Variants in PTGES2 observed in about 807,000 individuals in gnomAD.
The protein encoded by PTGES2 is GATE-binding factor 1.
In PTGES2, 35 loss-of-function variants were observed where a neutral mutation model predicts 44.5. That is an observed-to-expected ratio of 0.79 (90% confidence interval 0.60 to 1.04). The LOEUF (loss-of-function observed/expected upper bound fraction) is 1.04, where lower values mean the gene tolerates loss of function less well. Among genes scored for constraint, PTGES2 ranks in the 50% least tolerant of loss-of-function variants. The pLI is 0.00. For missense variants in PTGES2, 517 were observed against 521.4 expected, an observed-to-expected ratio of 0.99 and a Z score of 0.08; for synonymous variants, 221 against 227.5, an observed-to-expected ratio of 0.97 and a Z score of 0.26.
chr9:128,121,032 A>C lies in PTGES2; in HGVS notation c.*113T>G. Reference sequence around the variant, plus strand: ...AGAGGGCTGGTGGGGGTGCGTGGACAAGGGGCAGAATGATCCTGCCCCCAA... The same window carrying C: ...AGAGGGCTGGTGGGGGTGCGTGGACCAGGGGCAGAATGATCCTGCCCCCAA... On this transcript the variant is annotated 3_prime_UTR_variant, in exon 7 of 7. Coordinates refer to ENST00000338961, the MANE Select transcript of PTGES2 (RefSeq NM_025072.7). 1.5e-6 allele frequency: 2 copies of C among 1,354,686 alleles called. No individual in the cohort carries two copies. Among genetic ancestry groups the C allele is most frequent in the Non-Finnish European group, 2.0e-6 (2 of 994,876 alleles). The allele number at this position is 1,354,686 out of a possible 1,614,324, so 83.9% of individuals were successfully genotyped here. A position where few individuals can be genotyped will look rare whatever the true frequency, so the allele number is the denominator to read the frequency against.
At chr9:128,122,903 C>T (rs777855890) in intron 5 of PTGES2, 31 bp downstream of exon 5, 46 of 1,609,300 alleles carry the variant, frequency 2.9e-5, no homozygotes, top group Middle Eastern at 1.6e-4. Flanking sequence ...GGCTCGGGGA[C>T]AGCAGGCCCC....
Position 128,123,024 on chromosome 9 carries a change from C to G in PTGES2, c.797G>C (p.Arg266Pro). 1 of 1,613,926 alleles carries G rather than the reference C, an allele frequency of 6.2e-7. No homozygotes were observed. Among genetic ancestry groups the G allele is most frequent in the Non-Finnish European group, 8.5e-7 (1 of 1,180,004 alleles). Reference sequence around the variant, plus strand: ...CTCCACGGCTCCGAACTTGCCCTCGCGGACAATGTAGTCAAAGGACGCCAG... The same window carrying G: ...CTCCACGGCTCCGAACTTGCCCTCGGGGACAATGTAGTCAAAGGACGCCAG... ...EALASFDYIV[R>P]EGKFGAVEGA... Residue 266 changes from arginine (R) to proline (P), a missense_variant, in exon 5 of 7, where the codon CGC becomes CCC. Arg to Pro is a moderately radical substitution (Grantham distance 103, BLOSUM62 -2). Transcript: ENST00000338961. This position sits in a 1 kb window ranked among gnomAD's most constrained non-coding sequence, Gnocchi z 4.4.
rs1834578724 is a variant in PTGES2, at chr9:128,125,375, C to G, written c.346G>C (p.Val116Leu). The G allele has an allele frequency of 6.2e-7, 1 of 1,614,178 alleles. No individual in the cohort carries two copies. Among genetic ancestry groups the G allele is most frequent in the African/African-American group, 1.3e-5 (1 of 75,042 alleles). ...QYKTCPFCSKVRAFLDFHALP... is the reference protein window; with the variant it reads ...QYKTCPFCSKLRAFLDFHALP... ...GCATGGAAGTCGAGGAAGGCTCGGA[C>G]CTTGCTGCAGAAGGGACACGTCTTG... Residue 116 changes from valine to leucine, a missense_variant, in exon 2 of 7, where the codon GTC becomes CTC. Coordinates refer to ENST00000338961, the MANE Select transcript of PTGES2 (RefSeq NM_025072.7).
At chr9:128,127,328 ACT>A (rs1205351109) in intron 1 of PTGES2, 109 bp downstream of exon 1, 76 of 993,148 alleles carry the variant, frequency 7.7e-5, no homozygotes, top group Non-Finnish European at 9.8e-5. Flanking sequence ...AGACCAAGTC[ACT>A]CGCCCAAGGT....
Position 128,123,558 on chromosome 9 carries a change from C to G in PTGES2, c.686+144G>C. 1.2e-6 allele frequency: 1 copy of G among 846,418 alleles called. No homozygotes were observed. The highest frequency in any genetic ancestry group is 1.8e-6 in the Non-Finnish European group (1 of 558,000). The allele number at this position is 846,418 out of a possible 1,614,324, so 52.4% of individuals were successfully genotyped here. On this transcript the variant is annotated intron_variant, in intron 4 of 6. Transcript: ENST00000338961. The surrounding 1 kb of genome is among the most constrained non-coding windows in gnomAD (Gnocchi z 4.4). ...ACCACGCCCGGCTGCAGGAAGGTCT[C>G]TACTGAAATCCGGCATGGCCCGGCC... is the stretch of plus-strand genomic sequence containing the variant.
Position 128,122,229 on chromosome 9 carries a change from C to T in PTGES2, c.1005+133G>A. 4 of 726,018 alleles carry T rather than the reference C, an allele frequency of 5.5e-6. No homozygotes were observed. The South Asian group carries it at 6.8e-5, about 12-fold the overall frequency. 45.0% of individuals were successfully genotyped at this position (726,018 alleles called of 1,614,324 possible). On this transcript the variant is annotated intron_variant, in intron 6 of 6. Transcript: ENST00000338961. ...CCTGGAGCCACTTCGAGGCGAGTTT[C>T]TGTCCGTGATGGCAGAGAGAGGCAG...
upstream of PTGES2, chr9:128,128,332 G>T (rs954760168): frequency 2.2e-6 from 1 of 456,294 alleles, no homozygotes; most frequent in Non-Finnish European, 4.4e-6. Flanking sequence ...CCAGGGAGAG[G>T]ATGGCAAAGT....
intron 3 of PTGES2, among the ~76,000 whole-genome samples, 199 bp from the exon 4 acceptor site, chr9:128,124,050 T>C (rs1371716965): frequency 4.6e-5 from 7 of 151,244 alleles, no homozygotes; most frequent in Admixed American, 1.3e-4. Flanking sequence ...GTAGGGGGCT[T>C]GGAGGAGGAC....
At position 128,123,751 on chromosome 9, in the gene PTGES2, G is replaced by C; in HGVS notation, c.637C>G (p.Leu213Val). 1.2e-6 allele frequency: 2 copies of C among 1,614,034 alleles called. No homozygotes were observed. The highest frequency in any genetic ancestry group is 1.7e-6 in the Non-Finnish European group (2 of 1,179,974). The change falls in exon 4 of 7, where the codon CTC becomes GTC. Residue 213 changes from leucine (L) to valine (V), a missense_variant. Physicochemically the swap from Leu to Val is conservative, Grantham distance 32. Coordinates refer to ENST00000338961, the MANE Select transcript of PTGES2 (RefSeq NM_025072.7). The surrounding 1 kb of genome is among the most constrained non-coding windows in gnomAD (Gnocchi z 4.4). ...ACTTGCTGGGCCTCCTTCTCGTTGA[G>C]CATGAGCCAGTACTTATTGCCGAAC... ...TEFGNKYWLMLNEKEAQQVYG... is the reference protein window; with the variant it reads ...TEFGNKYWLMVNEKEAQQVYG...
intron 1 of PTGES2, among the ~76,000 whole-genome samples, chr9:128,127,161 AC>A (rs1834650879): frequency 8.9e-6 from 1 of 111,944 alleles, no homozygotes; most frequent in African/African-American, 3.4e-5. Context: ...ATAATGCGAG[AC>A]CCTGTCTCGA....
Position 128,120,853 on chromosome 9 carries a change from C to A in PTGES2, c.*292G>T. ...CTGTCCTGTCGAGGGCCCCCACCCA[C>A]AGGATGTAGCCATGGGACAGCCACT... On this transcript the variant is annotated 3_prime_UTR_variant, in exon 7 of 7. Transcript: ENST00000338961. The A allele has an allele frequency of 2.3e-6, 1 of 430,958 alleles. No homozygotes were observed. 26.7% of individuals were successfully genotyped at this position (430,958 alleles called of 1,614,324 possible).
chr9:128,126,207 T>C (rs1181555089), intron 1 of PTGES2, among the ~76,000 whole-genome samples: 3 of 152,284 alleles, frequency 2.0e-5, no homozygotes, highest in South Asian at 2.1e-4. Flanking sequence ...AGACACAGAG[T>C]ACTCCATGCC....
chr9:128,121,775 T>C (rs568007254), intron 6 of PTGES2, among the ~76,000 whole-genome samples: 5 of 152,030 alleles, frequency 3.3e-5, no homozygotes, highest in Non-Finnish European at 5.9e-5. Flanking sequence ...TAGCCGGGCA[T>C]GGTGGCACAG....
intron 6 of PTGES2, 104 bp from the exon 7 acceptor site, chr9:128,121,377 T>G (rs1834405801): frequency 1.4e-6 from 2 of 1,422,786 alleles, no homozygotes; most frequent in Admixed American, 4.7e-5. Context: ...CCTCCCCCCT[T>G]GGAGCTCGTG....
chr9:128,123,031 T>C lies in PTGES2; in HGVS notation c.790A>G (p.Ile264Val), dbSNP rs557755729. 1.9e-6 allele frequency: 3 copies of C among 1,613,784 alleles called. No homozygotes were observed. Among genetic ancestry groups the C allele is most frequent in the Admixed American group, 1.7e-5 (1 of 60,016 alleles). The change falls in exon 5 of 7, where the codon ATT becomes GTT. Residue 264 changes from isoleucine (I) to valine (V), a missense_variant. By Grantham distance (29) the Ile-to-Val change is conservative (BLOSUM62 3). Transcript: ENST00000338961. The surrounding 1 kb of genome is among the most constrained non-coding windows in gnomAD (Gnocchi z 4.4). ...PTEALASFDY[I>V]VREGKFGAVE... ...GCTCCGAACTTGCCCTCGCGGACAA[T>C]GTAGTCAAAGGACGCCAGAGCCTCG...
intron 1 of PTGES2, among the ~76,000 whole-genome samples, chr9:128,126,496 G>A (rs1373529576): frequency 6.6e-6 from 1 of 152,124 alleles, no homozygotes; most frequent in Admixed American, 6.5e-5. Flanking sequence ...AGAGGATGAT[G>A]AACGTTTGGA....
intron 5 of PTGES2, 35 bp downstream of exon 5, chr9:128,122,899 G>A (rs1410187684): frequency 1.5e-5 from 24 of 1,608,696 alleles, no homozygotes; most frequent in Non-Finnish European, 1.8e-5. Context: ...CGGAGGCTCG[G>A]GGACAGCAGG....
Position 128,123,350 on chromosome 9 carries a change from G to T in PTGES2, c.687-216C>A, listed in dbSNP as rs1218629863. Among the ~76,000 whole-genome samples the T allele has an allele frequency of 1.3e-5, 2 of 152,108 alleles. No individual in the cohort carries two copies. The highest frequency in any genetic ancestry group is 4.8e-5 in the African/African-American group (2 of 41,498). On this transcript the variant is annotated intron_variant, in intron 4 of 6. Coordinates refer to ENST00000338961, the MANE Select transcript of PTGES2 (RefSeq NM_025072.7). This position sits in a 1 kb window ranked among gnomAD's most constrained non-coding sequence, Gnocchi z 4.4. Reference sequence around the variant, plus strand: ...CATCCTCCGCCTCCTGGGTTCAAGCGATTCTCCTGCTTCAGCCTCCTTAGT... The same window carrying T: ...CATCCTCCGCCTCCTGGGTTCAAGCTATTCTCCTGCTTCAGCCTCCTTAGT...
chr9:128,123,348 G>A lies in PTGES2; in HGVS notation c.687-214C>T, dbSNP rs1368456215. Among the ~76,000 whole-genome samples the A allele has an allele frequency of 6.6e-6, 1 of 152,042 alleles. No individual in the cohort carries two copies. The highest frequency in any genetic ancestry group is 1.5e-5 in the Non-Finnish European group (1 of 67,998). On this transcript the variant is annotated intron_variant, in intron 4 of 6. Coordinates refer to ENST00000338961, the MANE Select transcript of PTGES2 (RefSeq NM_025072.7). The surrounding 1 kb of genome is among the most constrained non-coding windows in gnomAD (Gnocchi z 4.4). The stretch of plus-strand genomic sequence containing the variant: ...TGCATCCTCCGCCTCCTGGGTTCAA[G>A]CGATTCTCCTGCTTCAGCCTCCTTA...
Sources: gnomAD v4.1 joint callset for allele counts (sites outside exome capture counted in the v4.1 genomes callset) on GRCh38, gnomAD v4.1.1 for gene constraint, Gnocchi (gnomAD v3.1) non-coding constraint, MANE v1.5 for transcripts, NCBI Gene and HGNC (gene_info 2026-07-23, HGNC 2026-07-21) for gene names.